The following ATL2 variants were observed in gnomAD, a reference collection of about 807,000 sequenced individuals.
ATL2 encodes the protein atlastin GTPase 2.
A neutral mutation model predicts 73.9 loss-of-function variants in ATL2; 31 were observed. The observed-to-expected ratio is 0.42, with a 90% CI of 0.32 to 0.57. The LOEUF (loss-of-function observed/expected upper bound fraction) is 0.57. ATL2 is among the 20% of genes least tolerant of loss of function. The pLI is 0.14. For missense variants in ATL2, 738 were observed against 702.6 expected (o/e 1.05, Z -0.57); for synonymous variants, 291 against 237.5 (o/e 1.23, Z -2.07).
In ATL2 at chr2:38,294,901, A is replaced by G. The variant is rs1467755762; in HGVS notation, c.*1093T>C. On this transcript the variant is annotated 3_prime_UTR_variant, in exon 13 of 13. Coordinates refer to ENST00000378954, the MANE Select transcript of ATL2 (RefSeq NM_001135673.4). ...CAAGTTTCATTTTATATATACAACAAATTTTTAATTATGTACTGAAAATAA... is the reference window on the plus strand; with the variant it reads ...CAAGTTTCATTTTATATATACAACAGATTTTTAATTATGTACTGAAAATAA... The G allele has an allele frequency of 6.6e-6, 1 of 151,072 alleles. No homozygotes were observed. Among genetic ancestry groups the G allele is most frequent in the Non-Finnish European group, 1.5e-5 (1 of 67,762 alleles). 9.4% of individuals were successfully genotyped at this position (151,072 alleles called of 1,614,324 possible).
intron 7 of ATL2, among the ~76,000 whole-genome samples, chr2:38,310,879 G>A (rs893471884): frequency 4.6e-5 from 7 of 151,668 alleles, no homozygotes; most frequent in African/African-American, 1.7e-4. Context: ...CACCCGCCTC[G>A]GCCTCCCAAA....
intron 1 of ATL2, among the ~76,000 whole-genome samples, chr2:38,360,853 C>T (rs1393000849): frequency 2.0e-5 from 3 of 151,770 alleles, no homozygotes; most frequent in African/African-American, 7.3e-5. Flanking sequence ...TTGTTTATAT[C>T]CTAGAGAAAT....
At chr2:38,371,343 C>T (rs1347673161) in intron 1 of ATL2, among the ~76,000 whole-genome samples, 1 of 151,900 alleles carries the variant, frequency 6.6e-6, no homozygotes, top group African/African-American at 2.4e-5. Flanking sequence ...CACATCTCCA[C>T]AAAAAATTTT....
intron 1 of ATL2, among the ~76,000 whole-genome samples, chr2:38,352,233 T>A (rs1013667818): frequency 6.6e-6 from 1 of 151,614 alleles, no homozygotes; most frequent in Non-Finnish European, 1.5e-5. Flanking sequence ...ATTTTGCATT[T>A]TTTAAAACAC....
chr2:38,312,368 G>A (rs1667800028), intron 7 of ATL2, among the ~76,000 whole-genome samples: 1 of 150,810 alleles, frequency 6.6e-6, no homozygotes, highest in Non-Finnish European at 1.5e-5. Context: ...TTGTTAAAAA[G>A]TATGTGGCAC....
At chr2:38,342,111 A>C (rs1245092766) in intron 2 of ATL2, among the ~76,000 whole-genome samples, 1 of 152,136 alleles carries the variant, frequency 6.6e-6, no homozygotes, top group Admixed American at 6.5e-5. Flanking sequence ...CGAGTGAAAA[A>C]ATTTTTTTTG....
At position 38,315,285 on chromosome 2, in the gene ATL2, T is replaced by A. The variant is rs1212845986; in HGVS notation, c.653A>T (p.Gln218Leu). 1 of 1,486,652 alleles carries A rather than the reference T, an allele frequency of 6.7e-7. No homozygotes were observed. The highest frequency in any genetic ancestry group is 8.9e-7 in the Non-Finnish European group (1 of 1,127,192). The allele number at this position is 1,486,652 out of a possible 1,614,324, so 92.1% of individuals were successfully genotyped here. ...AAAATTAAAAAAAGAAATACGTACTTGCAAATGTTGAAGATCATCTTCTTG... is the reference window on the plus strand; with the variant it reads ...AAAATTAAAAAAAGAAATACGTACTAGCAAATGTTGAAGATCATCTTCTTG... The part of the protein sequence containing the change: ...NIQEDDLQHL[Q>L]LFTEYGRLAM... The change falls in exon 5 of 13, where the codon CAA becomes CTA. Residue 218 changes from glutamine (Q) to leucine (L), a missense_variant and splice_region_variant. Coordinates refer to ENST00000378954, the MANE Select transcript of ATL2 (RefSeq NM_001135673.4).
chr2:38,333,283 T>C lies in ATL2; in HGVS notation c.363+9985A>G, dbSNP rs374691220. ...CAGCCTGGGCAACAGAGCGAGACGA[T>C]ATCTCTAAAAAAGTTAAAATAATTT... On this transcript the variant is annotated intron_variant, in intron 2 of 12. Coordinates refer to ENST00000378954, the MANE Select transcript of ATL2 (RefSeq NM_001135673.4). 7.2e-5 allele frequency among the ~76,000 whole-genome samples: 11 copies of C among 152,190 alleles called. 1 individual carries two copies. The South Asian group carries it at 2.3e-3, about 32-fold the overall frequency.
chr2:38,351,656 G>A (rs1177304917), intron 1 of ATL2, among the ~76,000 whole-genome samples: 1 of 151,886 alleles, frequency 6.6e-6, no homozygotes, highest in Non-Finnish European at 1.5e-5. Context: ...ACCACGCCTG[G>A]CTAATTCTTT....
In ATL2 at chr2:38,377,257, C is replaced by T; in HGVS notation, c.4G>A (p.Ala2Thr). The T allele has an allele frequency of 6.4e-7, 1 of 1,572,244 alleles. No homozygotes were observed. Reference sequence around the variant, plus strand: ...CCTCGCGCTGCCTCGTCCCCCTCCGCCATCTTGTACCGATTTAAAATTAAC... The same window carrying T: ...CCTCGCGCTGCCTCGTCCCCCTCCGTCATCTTGTACCGATTTAAAATTAAC... MAEGDEAARGQQ... is the reference protein window; with the variant it reads MTEGDEAARGQQ... The change falls in exon 1 of 13, where the codon GCG (alanine) becomes ACG (threonine). Residue 2 changes from alanine to threonine, a missense_variant. Ala to Thr is a moderately conservative substitution (Grantham distance 58, BLOSUM62 0). Coordinates refer to ENST00000378954, the MANE Select transcript of ATL2 (RefSeq NM_001135673.4).
Position 38,298,519 on chromosome 2 carries a change from C to T in ATL2, c.1257G>A (p.Leu419=), listed in dbSNP as rs748402865. ...GTTTTATCGCCACTTCCTTGAGATC[C>T]AAGTGTTTTCGCTCCAGATCTGAAG... ...IAPSDLERKH[L]DLKEVAIKQF... is the part of the protein sequence containing the mutation. Residue 419 remains leucine (L), a synonymous_variant, in exon 12 of 13, where the codon TTG becomes TTA. Transcript: ENST00000378954. The T allele has an allele frequency of 6.2e-7, 1 of 1,614,134 alleles. No individual in the cohort carries two copies. Among genetic ancestry groups the T allele is most frequent in the South Asian group, 1.1e-5 (1 of 91,074 alleles).
intron 1 of ATL2, chr2:38,376,180 C>T (rs1049242576): frequency 1.3e-6 from 2 of 1,521,852 alleles, no homozygotes; most frequent in Non-Finnish European, 1.8e-6. Flanking sequence ...TAAGTACCAT[C>T]AAAATTTTCA....
At chr2:38,341,988 T>C (rs1323697345) in intron 2 of ATL2, among the ~76,000 whole-genome samples, 1 of 152,240 alleles carries the variant, frequency 6.6e-6, no homozygotes, top group African/African-American at 2.4e-5. Flanking sequence ...AAGTTCCCTA[T>C]ATAGCAATTC....
chr2:38,320,868 G>C (rs533560746), intron 2 of ATL2, among the ~76,000 whole-genome samples: 6 of 152,210 alleles, frequency 3.9e-5, no homozygotes, highest in African/African-American at 1.4e-4. Context: ...GTGTCAGCCA[G>C]GCACAGTGGC....
chr2:38,344,028 T>TGAACCAGCA (rs1669880943), intron 1 of ATL2, among the ~76,000 whole-genome samples: 2 of 152,164 alleles, frequency 1.3e-5, no homozygotes, highest in Admixed American at 6.5e-5. Flanking sequence ...TATGTCTTTA[T>TGAACCAGCA]TACCAGCATG....
At chr2:38,341,527 A>G (rs1004963657) in intron 2 of ATL2, among the ~76,000 whole-genome samples, 1 of 152,086 alleles carries the variant, frequency 6.6e-6, no homozygotes, top group Admixed American at 6.6e-5. Flanking sequence ...AGTGCCAGCT[A>G]CTTGGGAGGC....
At position 38,294,067 on chromosome 2, in the gene ATL2, G is replaced by T. The variant is rs939246232; in HGVS notation, c.*1927C>A. 1.3e-5 allele frequency among the ~76,000 whole-genome samples: 2 copies of T among 152,158 alleles called. No homozygotes were observed. The highest frequency in any genetic ancestry group is 4.8e-5 in the African/African-American group (2 of 41,440). On this transcript the variant is annotated 3_prime_UTR_variant, in exon 13 of 13. Transcript: ENST00000378954. The stretch of plus-strand genomic sequence containing the variant: ...GCATTCATAAAACAGGGTGGCAGAA[G>T]AAATAAAAAGACACTTTTCAGGTGG...
At chr2:38,322,299 TC>T (rs1248335151) in intron 2 of ATL2, among the ~76,000 whole-genome samples, 3 of 152,216 alleles carry the variant, frequency 2.0e-5, no homozygotes, top group Non-Finnish European at 4.4e-5. Context: ...TTTACTTATT[TC>T]TATCTCCTCT....
At position 38,310,361 on chromosome 2, in the gene ATL2, T is replaced by C. The variant is rs766165440; in HGVS notation, c.891A>G (p.Pro297=). ...CFSNLGCFLL[P]HPGLKVATNP... ...TAGTTGCAACTTTAAGACCAGGATGTGGCAAAAGGAAGCAACCAAGATTTG... is the reference window on the plus strand; with the variant it reads ...TAGTTGCAACTTTAAGACCAGGATGCGGCAAAAGGAAGCAACCAAGATTTG... Residue 297 remains proline, a synonymous_variant, in exon 8 of 13, where the codon CCA becomes CCG. Coordinates refer to ENST00000378954, the MANE Select transcript of ATL2 (RefSeq NM_001135673.4). 6.2e-7 allele frequency: 1 copy of C among 1,611,164 alleles called. No homozygotes were observed. The highest frequency in any genetic ancestry group is 8.5e-7 in the Non-Finnish European group (1 of 1,178,898).
Sources: gnomAD v4.1 joint callset for allele counts (sites outside exome capture counted in the v4.1 genomes callset) on GRCh38, gnomAD v4.1.1 for gene constraint, MANE v1.5 for transcripts, NCBI Gene and HGNC (gene_info 2026-07-23, HGNC 2026-07-21) for gene names.